RNF182: variants seen among roughly 807,000 people sequenced by gnomAD.
RNF182 encodes the protein E3 ubiquitin-protein ligase RNF182.
A neutral mutation model predicts 14.4 loss-of-function variants in RNF182; 15 were observed. That is an observed-to-expected ratio of 1.04 (90% CI 0.70 to 1.60). The LOEUF (loss-of-function observed/expected upper bound fraction) is 1.60. Ranked by LOEUF, RNF182 falls within the 40% of genes most tolerant of loss-of-function variation. RNF182 has a pLI of 0.00. For synonymous variants in RNF182, 128 were observed against 122.9 expected (o/e 1.04, Z -0.27); for missense variants, 268 against 294.8 (o/e 0.91, Z 0.67).
chr6:13,930,360 C>T (rs1418655327), intron 1 of RNF182, among the ~76,000 whole-genome samples: 7 of 152,294 alleles, frequency 4.6e-5, no homozygotes, highest in African/African-American at 1.7e-4. Flanking sequence ...TGAGGGGTGA[C>T]TACATATTTT....
intron 1 of RNF182, among the ~76,000 whole-genome samples, chr6:13,947,526 A>G (rs919985919): frequency 6.6e-6 from 1 of 152,154 alleles, no homozygotes; most frequent in African/African-American, 2.4e-5. Context: ...CTTTGATGGA[A>G]CTGTGTTCTA....
At chr6:13,955,357 C>T (rs1759700649) in intron 1 of RNF182, among the ~76,000 whole-genome samples, 2 of 152,194 alleles carry the variant, frequency 1.3e-5, no homozygotes, top group Admixed American at 6.6e-5. Context: ...AATTTTACCT[C>T]ATCAATTATT....
chr6:13,947,494 T>C (rs1019561855), intron 1 of RNF182, among the ~76,000 whole-genome samples: 2 of 152,244 alleles, frequency 1.3e-5, no homozygotes, highest in Non-Finnish European at 2.9e-5. Flanking sequence ...AGAATAATTA[T>C]TTGCCATATA....
intron 1 of RNF182, among the ~76,000 whole-genome samples, chr6:13,951,070 T>A (rs1190971030): frequency 6.6e-6 from 1 of 152,218 alleles, no homozygotes; most frequent in Non-Finnish European, 1.5e-5. Context: ...GTGCTGAGAT[T>A]ACAGGTGTGA....
chr6:13,945,802 A>G (rs1264338754), intron 1 of RNF182, among the ~76,000 whole-genome samples: 4 of 152,170 alleles, frequency 2.6e-5, no homozygotes. Context: ...TTCTGATTAC[A>G]CCAGTGGATC....
chr6:13,957,757 T>C (rs1759765720), intron 1 of RNF182, among the ~76,000 whole-genome samples: 1 of 152,232 alleles, frequency 6.6e-6, no homozygotes, highest in South Asian at 2.1e-4. Context: ...ACTGAGATAT[T>C]GTAGTGATAA....
intron 1 of RNF182, among the ~76,000 whole-genome samples, chr6:13,960,652 A>C (rs1462576844): frequency 1.5e-5 from 2 of 134,504 alleles, no homozygotes; most frequent in African/African-American, 5.7e-5. Flanking sequence ...GGAGGGAGAG[A>C]GAGAGTGTGT....
At chr6:13,939,166 T>C (rs1472785875) in intron 1 of RNF182, among the ~76,000 whole-genome samples, 1 of 152,266 alleles carries the variant, frequency 6.6e-6, no homozygotes, top group Non-Finnish European at 1.5e-5. Context: ...GTTTTTTGTC[T>C]TGATTTTCTT....
In RNF182 at chr6:13,958,709, T is replaced by C. The variant is rs576717221; in HGVS notation, c.-366-15501T>C. On this transcript the variant is annotated intron_variant, in intron 1 of 2. Coordinates refer to ENST00000488300, the MANE Select transcript of RNF182 (RefSeq NM_152737.4). ...AACAAACAAATAAGTTAAATTGGGC[T>C]TCTTGAAGTTTGTTGAAGGAAGTAA... Among the ~76,000 whole-genome samples, 6 of 152,348 alleles carry C rather than the reference T, an allele frequency of 3.9e-5. No individual in the cohort carries two copies. In the South Asian group the frequency reaches 1.2e-3, roughly 32 times the overall value.
intron 1 of RNF182, among the ~76,000 whole-genome samples, chr6:13,955,630 C>A (rs1561782854): frequency 6.6e-6 from 1 of 152,312 alleles, no homozygotes; most frequent in East Asian, 1.9e-4. Context: ...GCACAGCAAC[C>A]ACAGGGCCCT....
Position 13,977,979 on chromosome 6 carries a change from A to C in RNF182, c.*116A>C. ...TGATTAGTATCCATGACATTAACAA[A>C]ACCCTTGGCCACATGTTGACTTGAT... is the stretch of plus-strand genomic sequence containing the variant. On this transcript the variant is annotated 3_prime_UTR_variant, in exon 3 of 3. Coordinates refer to ENST00000488300, the MANE Select transcript of RNF182 (RefSeq NM_152737.4). 8.7e-7 allele frequency: 1 copy of C among 1,154,672 alleles called. No individual in the cohort carries two copies. The highest frequency in any genetic ancestry group is 1.2e-6 in the Non-Finnish European group (1 of 823,424). 71.5% of individuals were successfully genotyped at this position (1,154,672 alleles called of 1,614,324 possible). A position where few individuals can be genotyped will look rare whatever the true frequency, so the allele number is the denominator to read the frequency against.
At chr6:13,938,004 GTTTTTTTT>G (rs70989897) in intron 1 of RNF182, among the ~76,000 whole-genome samples, 1 of 79,598 alleles carries the variant, frequency 1.3e-5, no homozygotes, top group Non-Finnish European at 2.2e-5. Context: ...TTTTCTTACT[GTTTTTTTT>G]TTTTTTTTTT....
chr6:13,948,752 T>C (rs1158979599), intron 1 of RNF182, among the ~76,000 whole-genome samples: 4 of 152,190 alleles, frequency 2.6e-5, no homozygotes, highest in Non-Finnish European at 5.9e-5. Context: ...AGTCATTTAT[T>C]TAGCCAAAAT....
chr6:13,953,816 C>T (rs978586480), intron 1 of RNF182, among the ~76,000 whole-genome samples: 1 of 152,098 alleles, frequency 6.6e-6, no homozygotes, highest in African/African-American at 2.4e-5. Flanking sequence ...ATGGGCTCCC[C>T]CTCTAGACTG....
intron 2 of RNF182, among the ~76,000 whole-genome samples, chr6:13,975,233 G>GA (rs1231546432): frequency 1.3e-5 from 2 of 151,888 alleles, no homozygotes; most frequent in South Asian, 2.1e-4. Flanking sequence ...CCCACAGGAG[G>GA]AAAAAAAATG....
chr6:13,948,158 A>ACG (rs1759484618), intron 1 of RNF182, among the ~76,000 whole-genome samples: 1 of 152,016 alleles, frequency 6.6e-6, no homozygotes, highest in Non-Finnish European at 1.5e-5. Context: ...TTATGAATAC[A>ACG]TTAGTTTTCC....
At chr6:13,974,872 A>AT (rs1760285214) in intron 2 of RNF182, among the ~76,000 whole-genome samples, 1 of 152,134 alleles carries the variant, frequency 6.6e-6, no homozygotes. Context: ...ATGACTTCAC[A>AT]TACCTCAGTC....
chr6:13,934,841 A>G (rs1332458054), intron 1 of RNF182, among the ~76,000 whole-genome samples: 2 of 152,252 alleles, frequency 1.3e-5, no homozygotes, highest in Admixed American at 6.5e-5. Context: ...TAACATTTAA[A>G]TAGGGATTTG....
rs192734771 is a variant in RNF182, at chr6:13,957,122, G to A, written c.-366-17088G>A. On this transcript the variant is annotated intron_variant, in intron 1 of 2. Transcript: ENST00000488300. ...AGAGTATTTAGAATGTCTGTCACACGGCAAAACTACTTAATATACAATAAA... is the reference window on the plus strand; with the variant it reads ...AGAGTATTTAGAATGTCTGTCACACAGCAAAACTACTTAATATACAATAAA... Among the ~76,000 whole-genome samples the A allele has an allele frequency of 7.1e-4, 108 of 152,230 alleles. 1 individual carries two copies. The highest frequency in any genetic ancestry group is 4.4e-5 in the Non-Finnish European group (3 of 68,014).
Sources: allele counts gnomAD v4.1 joint callset (sites outside exome capture counted in the v4.1 genomes callset), GRCh38; gene constraint gnomAD v4.1.1; transcripts MANE v1.5; gene names NCBI Gene and HGNC (gene_info 2026-07-23, HGNC 2026-07-21).